NRXN3: variants seen among roughly 807,000 people sequenced by gnomAD.
The protein encoded by NRXN3 is neurexin III.
NRXN3 carries 32 observed loss-of-function variants against 137.6 expected under a neutral mutation model. That is an observed-to-expected ratio of 0.23 (90% confidence interval 0.18 to 0.31). The LOEUF (loss-of-function observed/expected upper bound fraction) is 0.31, where lower values mean the gene tolerates loss of function less well. Among genes scored for constraint, NRXN3 ranks in the 10% least tolerant of loss-of-function variants. NRXN3 has a pLI of 1.00. For missense variants in NRXN3, 1,574 were observed against 2,062.5 expected (o/e 0.76, Z 4.59); for synonymous variants, 798 against 784.5 (o/e 1.02, Z -0.29).
chr14:78,882,440 G>T (rs555348394), intron 10 of NRXN3, among the ~76,000 whole-genome samples: 80 of 151,926 alleles, frequency 5.3e-4, no homozygotes, highest in East Asian at 2.3e-3. Flanking sequence ...CAGGGGCAGT[G>T]CTGTCCAAGC....
chr14:78,780,626 A>G (rs1053320131), intron 8 of NRXN3, among the ~76,000 whole-genome samples: 4 of 152,222 alleles, frequency 2.6e-5, no homozygotes, highest in Admixed American at 2.0e-4. Context: ...AACCCAATGA[A>G]AAATGAGCAA....
chr14:79,607,808 A>C (rs1468248527), intron 16 of NRXN3, among the ~76,000 whole-genome samples: 1 of 151,300 alleles, frequency 6.6e-6, no homozygotes, highest in African/African-American at 2.4e-5. Flanking sequence ...CCTCCTGAGT[A>C]GCTGGAACTA....
chr14:79,545,581 A>G (rs1281418687), intron 16 of NRXN3, among the ~76,000 whole-genome samples: 1 of 151,988 alleles, frequency 6.6e-6, no homozygotes, highest in African/African-American at 2.4e-5. Flanking sequence ...CCATATTCAC[A>G]TGCTTCAAGA....
chr14:78,742,893 C>A (rs962762404), intron 8 of NRXN3, among the ~76,000 whole-genome samples: 1 of 152,170 alleles, frequency 6.6e-6, no homozygotes. Flanking sequence ...TGCAAATAAA[C>A]AGCTTAGTTA....
intron 6 of NRXN3, among the ~76,000 whole-genome samples, chr14:78,699,590 T>C (rs2152798776): frequency 6.6e-6 from 1 of 152,340 alleles, no homozygotes; most frequent in East Asian, 1.9e-4. Flanking sequence ...AATTTCGTCA[T>C]CTTTTTAATC....
chr14:79,333,228 G>C (rs1317511614), intron 15 of NRXN3, among the ~76,000 whole-genome samples: 2 of 152,078 alleles, frequency 1.3e-5, no homozygotes, highest in Non-Finnish European at 2.9e-5. Flanking sequence ...TGGGGGGATA[G>C]AGACTCTAAT....
chr14:79,473,208 C>T (rs1302584795), intron 16 of NRXN3, among the ~76,000 whole-genome samples: 4 of 152,078 alleles, frequency 2.6e-5, no homozygotes, highest in African/African-American at 9.7e-5. Context: ...GCAAAGTGTT[C>T]TCCTTCCAAA....
At chr14:78,918,918 C>T (rs117515288) in intron 10 of NRXN3, among the ~76,000 whole-genome samples, 2,237 of 152,154 alleles carry the variant, frequency 0.015, 24 homozygotes, top group Non-Finnish European at 0.023. Flanking sequence ...TGAAATCACC[C>T]AATGATGCAT....
At chr14:78,869,095 G>A (rs2152560832) in intron 10 of NRXN3, among the ~76,000 whole-genome samples, 1 of 152,176 alleles carries the variant, frequency 6.6e-6, no homozygotes, top group East Asian at 1.9e-4. Context: ...AAATGCCTAG[G>A]ATAGACAAAA....
intron 20 of NRXN3, among the ~76,000 whole-genome samples, chr14:79,819,892 A>C (rs1393469613): frequency 1.3e-5 from 2 of 152,056 alleles, no homozygotes; most frequent in African/African-American, 2.4e-5. Context: ...CCCAGCTTGT[A>C]CACTACATAT....
At chr14:79,607,679 T>A (rs930393528) in intron 16 of NRXN3, among the ~76,000 whole-genome samples, 8 of 151,920 alleles carry the variant, frequency 5.3e-5, no homozygotes, top group African/African-American at 1.9e-4. Context: ...TACAATTTTT[T>A]TTTTTTTTTT....
intron 16 of NRXN3, among the ~76,000 whole-genome samples, chr14:79,477,772 T>C (rs766156671): frequency 4.6e-5 from 7 of 152,082 alleles, no homozygotes; most frequent in Non-Finnish European, 1.0e-4. Flanking sequence ...AAAGACTTAT[T>C]CTATGATGAT....
intron 15 of NRXN3, among the ~76,000 whole-genome samples, chr14:79,407,064 G>C (rs1438544193): frequency 6.6e-6 from 1 of 152,128 alleles, no homozygotes; most frequent in Non-Finnish European, 1.5e-5. Context: ...TCTCCCTGCT[G>C]ATAATGACTC....
At chr14:79,432,873 A>C (rs1380936899) in intron 15 of NRXN3, among the ~76,000 whole-genome samples, 24 of 152,162 alleles carry the variant, frequency 1.6e-4, no homozygotes, top group Admixed American at 1.6e-3. Context: ...CCGAGTTCTC[A>C]AGCTACAGTT....
At chr14:78,485,174 A>G (rs1479661393) in intron 4 of NRXN3, among the ~76,000 whole-genome samples, 1 of 152,216 alleles carries the variant, frequency 6.6e-6, no homozygotes, top group Non-Finnish European at 1.5e-5. Flanking sequence ...TTTATAATGT[A>G]AATAGAATAA....
intron 15 of NRXN3, among the ~76,000 whole-genome samples, chr14:79,388,643 A>G (rs1217188656): frequency 1.3e-5 from 2 of 152,036 alleles, no homozygotes; most frequent in Non-Finnish European, 2.9e-5. Context: ...TTCTGTATCC[A>G]GGGACTCCAG....
At chr14:78,692,916 A>G (rs1285871362) in intron 6 of NRXN3, among the ~76,000 whole-genome samples, 1 of 151,844 alleles carries the variant, frequency 6.6e-6, no homozygotes, top group African/African-American at 2.4e-5. Flanking sequence ...TCCCGTCTCT[A>G]CTAATAATAC....
intron 5 of NRXN3, among the ~76,000 whole-genome samples, chr14:78,646,843 A>G (rs1265850207): frequency 6.6e-6 from 1 of 152,224 alleles, no homozygotes; most frequent in Non-Finnish European, 1.5e-5. Context: ...TACCCAGGAG[A>G]GAACGTCTCA....
intron 10 of NRXN3, among the ~76,000 whole-genome samples, chr14:78,950,006 C>T (rs2099384061): frequency 6.6e-6 from 1 of 152,216 alleles, no homozygotes; most frequent in South Asian, 2.1e-4. Flanking sequence ...AAATCTGTGA[C>T]TTTAGTGATA....
Sources: gnomAD v4.1 joint callset for allele counts (sites outside exome capture counted in the v4.1 genomes callset) on GRCh38, gnomAD v4.1.1 for gene constraint, MANE v1.5 for transcripts, NCBI Gene and HGNC (gene_info 2026-07-23, HGNC 2026-07-21) for gene names.